HEXA: variants seen among roughly 807,000 people sequenced by gnomAD.
HEXA encodes the protein hexosaminidase subunit alpha.
In HEXA, 54 loss-of-function variants were observed where a neutral mutation model predicts 73.3. The observed-to-expected ratio is 0.74, with a 90% CI of 0.59 to 0.92. The LOEUF (loss-of-function observed/expected upper bound fraction) is 0.92. HEXA is among the 40% of genes least tolerant of loss of function. HEXA has a pLI of 0.00. For synonymous variants in HEXA, 230 were observed against 246.9 expected, an observed-to-expected ratio of 0.93 and a Z score of 0.64; for missense variants, 649 against 653.0, an observed-to-expected ratio of 0.99 and a Z score of 0.07.
At chr15:72,350,748 A>G in intron 6 of HEXA, 98 bp from the exon 7 acceptor site, 5 of 1,372,904 alleles carry the variant, frequency 3.6e-6, no homozygotes, top group Middle Eastern at 2.1e-4. Context: ...ATATCAGAAA[A>G]CCTGCCCATA....
intron 1 of HEXA, among the ~76,000 whole-genome samples, chr15:72,369,700 G>C (rs1200389131): frequency 6.6e-6 from 1 of 152,088 alleles, no homozygotes; most frequent in African/African-American, 2.4e-5. Flanking sequence ...ACCATGCCCA[G>C]CTTTATTTCT....
chr15:72,363,472 G>C (rs2088878114), intron 1 of HEXA, among the ~76,000 whole-genome samples: 1 of 152,212 alleles, frequency 6.6e-6, no homozygotes, highest in Non-Finnish European at 1.5e-5. Context: ...AGCCTGGGAA[G>C]TGAATTGGTG....
intron 11 of HEXA, 96 bp from the exon 12 acceptor site, chr15:72,346,421 T>C (rs1225250542): frequency 6.7e-7 from 1 of 1,497,504 alleles, no homozygotes; most frequent in Non-Finnish European, 9.3e-7. Context: ...CCCAGCTAAG[T>C]TGTTTCATTT....
At position 72,371,591 on chromosome 15, in the gene HEXA, GAAA is replaced by G. The variant is rs11299619; in HGVS notation, c.253+4126_253+4128del. ...ACAAAATAAGACCCTGTCTCTAAAAGAAAAAAAAAAAAAAAAAAAAAAGAAAAC... is the reference window on the plus strand; with the variant it reads ...ACAAAATAAGACCCTGTCTCTAAAAGAAAAAAAAAAAAAAAAAAAGAAAAC... On this transcript the variant is annotated intron_variant, in intron 1 of 13. Transcript: ENST00000268097. 3.2e-4 allele frequency among the ~76,000 whole-genome samples: 39 copies of G among 121,920 alleles called. No individual in the cohort carries two copies. The South Asian group carries it at 4.0e-3, about 12-fold the overall frequency. The allele number at this position is 121,920 out of a possible 152,430, so 80.0% of individuals were successfully genotyped here. A position where few individuals can be genotyped will look rare whatever the true frequency, so the allele number is the denominator to read the frequency against.
rs746272701 is a variant in HEXA at position 72,347,690 on chromosome 15, A to T, written c.1142T>A (p.Val381Glu). 6.8e-6 allele frequency: 11 copies of T among 1,613,968 alleles called. No individual in the cohort carries two copies. Among genetic ancestry groups the T allele is most frequent in the Non-Finnish European group, 7.6e-6 (9 of 1,179,878 alleles). Residue 381 changes from valine (V) to glutamate (E), a missense_variant, in exon 10 of 14, where the codon GTA becomes GAA. Coordinates refer to ENST00000268097, the MANE Select transcript of HEXA (RefSeq NM_000520.6). ...CTCTTCTCTGCCCCGGCTCACCTTT[A>T]CTTTATTATCAAACACCTCCTGCCA... is the stretch of plus-strand genomic sequence containing the variant. The part of the protein sequence containing the change: ...VVWQEVFDNK[V>E]KIQPDTIIQV...
intron 4 of HEXA, 54 bp from the exon 5 acceptor site, chr15:72,353,232 G>A: frequency 1.9e-6 from 2 of 1,038,960 alleles, no homozygotes; most frequent in Non-Finnish European, 3.0e-6. Flanking sequence ...TACTATGGGG[G>A]CACAGGGAGA....
At chr15:72,357,152 T>C (rs2088796090) in intron 1 of HEXA, 1 of 226,224 alleles carries the variant, frequency 4.4e-6, no homozygotes, top group Non-Finnish European at 9.0e-6. Flanking sequence ...CTGGTACATA[T>C]GCTTCTTATC....
At chr15:72,354,608 C>T (rs973823144) in intron 3 of HEXA, 4 of 152,394 alleles carry the variant, frequency 2.6e-5, no homozygotes, top group Non-Finnish European at 5.9e-5. Flanking sequence ...TCCAGGTCCT[C>T]CCTTACCTCT....
intron 1 of HEXA, chr15:72,370,632 G>A (rs998536663): frequency 2.5e-6 from 1 of 396,442 alleles, no homozygotes; most frequent in African/African-American, 2.1e-5. Context: ...TGGAGTTCGA[G>A]GTTGCTGTAA....
At position 72,348,060 on chromosome 15, in the gene HEXA, A is replaced by G; in HGVS notation, c.1061T>C (p.Phe354Ser). Residue 354 changes from phenylalanine to serine, a missense_variant, in exon 9 of 14, where the codon TTC becomes TCC. By Grantham distance (155) the Phe-to-Ser change is radical. Transcript: ENST00000268097. ...CTTCCTTCCTCACGTCTGGATGTAG[A>G]AGGACTCCAGCTGCTTGAAGTCCTC... is the stretch of plus-strand genomic sequence containing the variant. ...FGEDFKQLES[F>S]YIQTLLDIVS... is the part of the protein sequence containing the mutation. The G allele has an allele frequency of 6.2e-7, 1 of 1,611,620 alleles. No individual in the cohort carries two copies. Among genetic ancestry groups the G allele is most frequent in the African/African-American group, 1.3e-5 (1 of 75,002 alleles).
At chr15:72,372,719 C>T (rs148583716) in intron 1 of HEXA, among the ~76,000 whole-genome samples, 1 of 152,208 alleles carries the variant, frequency 6.6e-6, no homozygotes, top group African/African-American at 2.4e-5. Context: ...GTGGGACTAA[C>T]CCTTGAAGGT....
intron 1 of HEXA, chr15:72,370,120 A>G (rs574668801): frequency 6.7e-6 from 1 of 149,202 alleles, no homozygotes; most frequent in East Asian, 2.0e-4. Flanking sequence ...AAAAAAAGGA[A>G]GTAGCAGCAA....
intron 1 of HEXA, chr15:72,358,152 AG>A (rs2140330144): frequency 6.6e-6 from 1 of 152,354 alleles, no homozygotes; most frequent in Admixed American, 6.5e-5. Flanking sequence ...CCTAGGAGCA[AG>A]GGTGAGGAAA....
rs1057516755 is a variant in HEXA at position 72,348,074 on chromosome 15, CTTGA to C, written c.1043_1046del (p.Phe348CysfsTer33). The C allele has an allele frequency of 6.2e-7, 1 of 1,613,196 alleles. No individual in the cohort carries two copies. Among genetic ancestry groups the C allele is most frequent in the Non-Finnish European group, 8.5e-7 (1 of 1,179,126 alleles). ...TCTGGATGTAGAAGGACTCCAGCTGCTTGAAGTCCTCACCGAAGCCTTTCTTCCT... is the reference window on the plus strand; with the variant it reads ...TCTGGATGTAGAAGGACTCCAGCTGCAGTCCTCACCGAAGCCTTTCTTCCT... On this transcript the variant is annotated frameshift_variant, in exon 9 of 14. Transcript: ENST00000268097. LOFTEE classifies it high-confidence loss of function.
rs1439567702 is a variant in HEXA, at chr15:72,342,549, T to A, written c.*1528A>T. The A allele has an allele frequency of 6.6e-6, 1 of 152,222 alleles. No homozygotes were observed. Among genetic ancestry groups the A allele is most frequent in the African/African-American group, 2.4e-5 (1 of 41,444 alleles). 9.4% of individuals were successfully genotyped at this position (152,222 alleles called of 1,614,324 possible). ...GCTGCGATGCATTACTGCCCCCGCC[T>A]CTGGCTTACAGTATCACTTCTGCAT... On this transcript the variant is annotated 3_prime_UTR_variant, in exon 14 of 14. Transcript: ENST00000268097.
intron 7 of HEXA, chr15:72,350,094 C>A: frequency 3.8e-6 from 1 of 264,280 alleles, no homozygotes. Context: ...AGGCCAGTAG[C>A]CCTTTTCAAC....
chr15:72,374,478 C>T (rs1189275994), intron 1 of HEXA, among the ~76,000 whole-genome samples: 1 of 152,160 alleles, frequency 6.6e-6, no homozygotes, highest in Non-Finnish European at 1.5e-5. Context: ...TAATTAAATG[C>T]TTTTAATTCT....
intron 1 of HEXA, among the ~76,000 whole-genome samples, chr15:72,371,355 C>A (rs2088989143): frequency 6.6e-6 from 1 of 152,036 alleles, no homozygotes; most frequent in South Asian, 2.1e-4. Context: ...ACCTGTAATC[C>A]CAACACTTTG....
At position 72,356,563 on chromosome 15, in the gene HEXA, C is replaced by T. The variant is rs917574824; in HGVS notation, c.308G>A (p.Gly103Glu). 6.8e-6 allele frequency: 11 copies of T among 1,613,962 alleles called. No individual in the cohort carries two copies. The highest frequency in any genetic ancestry group is 9.3e-6 in the Non-Finnish European group (11 of 1,179,948). The change falls in exon 2 of 14, where the codon GGA (glycine) becomes GAA (glutamate). Residue 103 changes from glycine to glutamate, a missense_variant. Transcript: ENST00000268097. ...NVLVVSVVTP[G>E]CNQLPTLESV... Reference sequence around the variant, plus strand: ...CTCCAAAGTAGGAAGCTGGTTACATCCAGGTGTGACTACAGAGACAACCAA... The same window carrying T: ...CTCCAAAGTAGGAAGCTGGTTACATTCAGGTGTGACTACAGAGACAACCAA...
Sources: gnomAD v4.1 joint callset for allele counts (sites outside exome capture counted in the v4.1 genomes callset) on GRCh38, gnomAD v4.1.1 for gene constraint, MANE v1.5 for transcripts, NCBI Gene and HGNC (gene_info 2026-07-23, HGNC 2026-07-21) for gene names.